The following NOS1 variants were observed in gnomAD, a reference collection of about 807,000 sequenced individuals.
The protein encoded by NOS1 is NOS type I.
A neutral mutation model predicts 164.5 loss-of-function variants in NOS1; 51 were observed. The observed-to-expected ratio is 0.31, with a 90% CI of 0.25 to 0.39. NOS1 has a LOEUF of 0.39. Among genes scored for constraint, NOS1 ranks in the 10% least tolerant of loss-of-function variants. The probability of loss-of-function intolerance (pLI) is 1.00; values close to 1 mark genes in which losing one functional copy is unlikely to be tolerated. For missense variants in NOS1, 1,362 were observed against 1,885.6 expected, an observed-to-expected ratio of 0.72 and a Z score of 5.14; for synonymous variants, 719 against 745.8, an observed-to-expected ratio of 0.96 and a Z score of 0.59.
chr12:117,305,212 C>T (rs890853548), intron 3 of NOS1, among the ~76,000 whole-genome samples: 2 of 152,118 alleles, frequency 1.3e-5, no homozygotes, highest in African/African-American at 4.8e-5. Context: ...CCTGTAATCT[C>T]AGCACTTTGG....
At chr12:117,357,910 C>T (rs1442605944) in intron 1 of NOS1, among the ~76,000 whole-genome samples, 3 of 152,140 alleles carry the variant, frequency 2.0e-5, no homozygotes, top group Non-Finnish European at 4.4e-5. Context: ...GGAAACATGC[C>T]CCTCTGTTCA....
At chr12:117,231,151 GA>G (rs1869180142) in intron 22 of NOS1, among the ~76,000 whole-genome samples, 1 of 151,758 alleles carries the variant, frequency 6.6e-6, no homozygotes, top group South Asian at 2.1e-4. Context: ...CTCTACTAAA[GA>G]AAAAAACTAC....
At chr12:117,246,682 T>C (rs745372655) in intron 18 of NOS1, among the ~76,000 whole-genome samples, 3 of 152,198 alleles carry the variant, frequency 2.0e-5, no homozygotes, top group Non-Finnish European at 4.4e-5. Flanking sequence ...TCTGTCTCTA[T>C]GGATTTTCTG....
intron 4 of NOS1, 52 bp from the exon 5 acceptor site, chr12:117,288,271 G>A: frequency 6.4e-7 from 1 of 1,561,674 alleles, no homozygotes; most frequent in South Asian, 1.1e-5. Flanking sequence ...AAGAGTGGCA[G>A]GTGTTAGGCT....
At chr12:117,326,403 A>C (rs1396440307) in intron 2 of NOS1, among the ~76,000 whole-genome samples, 45 of 12,866 alleles carry the variant, frequency 3.5e-3, no homozygotes, top group African/African-American at 5.8e-3. Flanking sequence ...AAAAAAAAAC[A>C]AAAAAACAAA....
In NOS1 at chr12:117,259,943, C is replaced by T. The variant is rs549636802; in HGVS notation, c.2367+522G>A. Among the ~76,000 whole-genome samples, 279 of 152,020 alleles carry T rather than the reference C, an allele frequency of 1.8e-3. 2 individuals carry two copies. The highest frequency in any genetic ancestry group is 6.4e-3 in the African/African-American group (267 of 41,436). On this transcript the variant is annotated intron_variant, in intron 14 of 28. Transcript: ENST00000317775. ...GACCATCCTGGCTAACACAGTGAAG[C>T]CCCGTCTCTACTAAAAACACAAAAA...
At position 117,331,221 on chromosome 12, in the gene NOS1, C is replaced by T. The variant is rs555111291; in HGVS notation, c.-152G>A. The T allele has an allele frequency of 1.2e-5, 12 of 980,128 alleles. No homozygotes were observed. Among genetic ancestry groups the T allele is most frequent in the South Asian group, 8.4e-5 (5 of 59,722 alleles). 60.7% of individuals were successfully genotyped at this position (980,128 alleles called of 1,614,324 possible). ...AGGCTTCAGCCCTCTCTGTCTTTGACGTCAGCTCAGCGTCACCCACTCATG... is the reference window on the plus strand; with the variant it reads ...AGGCTTCAGCCCTCTCTGTCTTTGATGTCAGCTCAGCGTCACCCACTCATG... On this transcript the variant is annotated 5_prime_UTR_variant, in exon 2 of 29. Coordinates refer to ENST00000317775, the MANE Select transcript of NOS1 (RefSeq NM_000620.5).
At chr12:117,327,261 A>G (rs1414475629) in intron 2 of NOS1, among the ~76,000 whole-genome samples, 1 of 152,156 alleles carries the variant, frequency 6.6e-6, no homozygotes, top group Non-Finnish European at 1.5e-5. Flanking sequence ...AGGGACAGGG[A>G]GCACTGAGGG....
Position 117,247,434 on chromosome 12 carries a change from C to A in NOS1, c.2737G>T (p.Gly913Trp). 6.2e-7 allele frequency: 1 copy of A among 1,613,066 alleles called. No individual in the cohort carries two copies. Among genetic ancestry groups the A allele is most frequent in the Non-Finnish European group, 8.5e-7 (1 of 1,179,644 alleles). The change falls in exon 18 of 29, where the codon GGG becomes TGG. Residue 913 changes from glycine to tryptophan, a missense_variant. Gly to Trp is a radical substitution (Grantham distance 184, BLOSUM62 -2). Transcript: ENST00000317775. ...AVDTLLEELG[G>W]ERILKMREGD... ...TCCCTCATCTTCAGGATCCTCTCCC[C>A]TCCCAGTTCTTCCAGGAGGGTGTCC...
intron 1 of NOS1, among the ~76,000 whole-genome samples, chr12:117,335,152 A>T (rs1424645766): frequency 2.0e-5 from 3 of 152,222 alleles, no homozygotes; most frequent in Non-Finnish European, 2.9e-5. Flanking sequence ...ATAGATAACG[A>T]TTCGGACTTC....
intron 5 of NOS1, 25 bp from the exon 6 acceptor site, chr12:117,286,291 G>A (rs753258221): frequency 6.2e-7 from 1 of 1,612,702 alleles, no homozygotes; most frequent in Non-Finnish European, 8.5e-7. Flanking sequence ...AGGGACATGG[G>A]AACATCACCC....
At chr12:117,326,043 C>G (rs1875228313) in intron 2 of NOS1, among the ~76,000 whole-genome samples, 1 of 152,098 alleles carries the variant, frequency 6.6e-6, no homozygotes, top group Non-Finnish European at 1.5e-5. Context: ...AACTGCTATC[C>G]ATGAATTAGC....
At chr12:117,225,392 C>T (rs1235752913) in intron 24 of NOS1, among the ~76,000 whole-genome samples, 1 of 152,104 alleles carries the variant, frequency 6.6e-6, no homozygotes, top group Non-Finnish European at 1.5e-5. Context: ...AAATTCAACC[C>T]AGGGTATCTC....
chr12:117,302,591 T>C (rs1475635531), intron 3 of NOS1, among the ~76,000 whole-genome samples: 1 of 76,066 alleles, frequency 1.3e-5, no homozygotes, highest in South Asian at 4.8e-4. Flanking sequence ...CGAGACTCCG[T>C]CTCAAAAAAA....
intron 8 of NOS1, 110 bp from the exon 9 acceptor site, chr12:117,278,208 G>A (rs1309095982): frequency 1.6e-6 from 2 of 1,267,086 alleles, no homozygotes; most frequent in African/African-American, 3.0e-5. Flanking sequence ...CAAGCCCCCA[G>A]GAGACATTTC....
intron 17 of NOS1, among the ~76,000 whole-genome samples, chr12:117,249,957 T>A (rs1213881441): frequency 6.6e-6 from 1 of 152,040 alleles, no homozygotes; most frequent in East Asian, 1.9e-4. Context: ...AAGGTCAGAG[T>A]GTTCTGCTGT....
Position 117,234,531 on chromosome 12 carries a change from C to T in NOS1, c.3235+34G>A. On this transcript the variant is annotated intron_variant, in intron 21 of 28. Coordinates refer to ENST00000317775, the MANE Select transcript of NOS1 (RefSeq NM_000620.5). This position sits in a 1 kb window ranked among gnomAD's most constrained non-coding sequence, Gnocchi z 4.3. ...CGAGACACCCACTGCCTCTGCAGCT[C>T]CCTAGAGCAGGGAAGGGTCCCCGGG... The T allele has an allele frequency of 1.3e-6, 2 of 1,595,960 alleles. No individual in the cohort carries two copies. The highest frequency in any genetic ancestry group is 1.7e-6 in the Non-Finnish European group (2 of 1,167,558).
intron 5 of NOS1, among the ~76,000 whole-genome samples, chr12:117,287,739 T>A (rs1872802481): frequency 6.6e-6 from 1 of 152,240 alleles, no homozygotes; most frequent in African/African-American, 2.4e-5. Flanking sequence ...GCACCTGGTC[T>A]CTTGTTAGTT....
chr12:117,330,291 C>T lies in NOS1; in HGVS notation c.725+54G>A, dbSNP rs1285974043. 4.8e-6 allele frequency: 7 copies of T among 1,473,472 alleles called. No individual in the cohort carries two copies. In the African/African-American group the frequency reaches 8.0e-5, roughly 17 times the overall value. The allele number at this position is 1,473,472 out of a possible 1,614,324, so 91.3% of individuals were successfully genotyped here. A position where few individuals can be genotyped will look rare whatever the true frequency, so the allele number is the denominator to read the frequency against. On this transcript the variant is annotated intron_variant, in intron 2 of 28. Transcript: ENST00000317775. This position sits in a 1 kb window ranked among gnomAD's most constrained non-coding sequence, Gnocchi z 4.6. ...GTCTCAGTAGACGCACATGCACACA[C>T]ACAAGCATGCACACACACACACACA...
Sources: allele counts gnomAD v4.1 joint callset (sites outside exome capture counted in the v4.1 genomes callset), GRCh38; gene constraint gnomAD v4.1.1; non-coding constraint Gnocchi (gnomAD v3.1); transcripts MANE v1.5; gene names NCBI Gene and HGNC (gene_info 2026-07-23, HGNC 2026-07-21).